The following ZNF804B variants were observed in gnomAD, a reference collection of about 807,000 sequenced individuals.
ZNF804B encodes zinc finger protein 804B, also known as zinc finger 804B.
Under a neutral mutation model 101.4 loss-of-function variants are expected in ZNF804B, and 80 were observed. The observed-to-expected ratio is 0.79, with a 90% confidence interval of 0.66 to 0.95. ZNF804B has a LOEUF of 0.95. ZNF804B is among the 40% of genes least tolerant of loss of function. ZNF804B has a pLI of 0.00. For synonymous variants in ZNF804B, 622 were observed against 558.8 expected, an observed-to-expected ratio of 1.11 and a Z score of -1.59; for missense variants, 1,673 against 1,561.9, an observed-to-expected ratio of 1.07 and a Z score of -1.20.
intron 1 of ZNF804B, among the ~76,000 whole-genome samples, chr7:89,175,367 C>T (rs1184652676): frequency 1.3e-5 from 2 of 152,010 alleles, no homozygotes; most frequent in Admixed American, 6.5e-5. Context: ...GCACCTTTGT[C>T]GAAAATGAGT....
intron 1 of ZNF804B, among the ~76,000 whole-genome samples, chr7:89,204,604 A>T (rs36113749): frequency 0.12 from 18,563 of 152,166 alleles, 1,218 homozygotes; most frequent in Middle Eastern, 0.25. Flanking sequence ...ATGGAGGGGA[A>T]CTGAGAGTCT....
At position 89,196,621 on chromosome 7, in the gene ZNF804B, A is replaced by T. The variant is rs1422631049; in HGVS notation, c.109-21534A>T. Among the ~76,000 whole-genome samples the T allele has an allele frequency of 4.6e-5, 7 of 152,284 alleles. No homozygotes were observed. In the East Asian group the frequency reaches 1.4e-3, roughly 29 times the overall value. On this transcript the variant is annotated intron_variant, in intron 1 of 3. Coordinates refer to ENST00000333190, the MANE Select transcript of ZNF804B (RefSeq NM_181646.5). ...AATTGCAACAAAAGCAAAAATTGAC[A>T]AATGGGATCTAATTAAACTAAAGAG...
chr7:88,851,869 A>T (rs1240559268), intron 1 of ZNF804B, among the ~76,000 whole-genome samples: 1 of 152,138 alleles, frequency 6.6e-6, no homozygotes, highest in Non-Finnish European at 1.5e-5. Context: ...GGAGAAATGG[A>T]TACATACTTG....
chr7:88,968,153 T>TTACA (rs1554350403), intron 1 of ZNF804B, among the ~76,000 whole-genome samples: 3 of 151,108 alleles, frequency 2.0e-5, no homozygotes, highest in Non-Finnish European at 4.4e-5. Flanking sequence ...TTTCAAGAAC[T>TTACA]AAAATGGTGT....
At chr7:88,800,534 C>G (rs1256551728) in intron 1 of ZNF804B, among the ~76,000 whole-genome samples, 1 of 152,008 alleles carries the variant, frequency 6.6e-6, no homozygotes, top group Non-Finnish European at 1.5e-5. Context: ...GTTAGTAGAT[C>G]TTAAGATCCC....
intron 1 of ZNF804B, among the ~76,000 whole-genome samples, chr7:88,783,744 G>A (rs1376143635): frequency 2.0e-5 from 3 of 152,032 alleles, no homozygotes; most frequent in Admixed American, 6.6e-5. Flanking sequence ...AACATGATAC[G>A]TTAGTTTATT....
rs538766480 is a variant in ZNF804B at position 88,761,133 on chromosome 7, G to A, written c.108+1049G>A. 2.5e-3 allele frequency among the ~76,000 whole-genome samples: 387 copies of A among 151,912 alleles called. 2 individuals are homozygous for A. The highest frequency in any genetic ancestry group is 0.01 in the Middle Eastern group (3 of 290). ...TCTTTAGCATGAATTATTCAAAACT[G>A]CAACATATTATAAAAGCCTTTGATT... On this transcript the variant is annotated intron_variant, in intron 1 of 3. Coordinates refer to ENST00000333190, the MANE Select transcript of ZNF804B (RefSeq NM_181646.5).
At chr7:89,016,239 G>T (rs1053226731) in intron 1 of ZNF804B, among the ~76,000 whole-genome samples, 10 of 151,274 alleles carry the variant, frequency 6.6e-5, no homozygotes, top group African/African-American at 2.2e-4. Flanking sequence ...GGATATTAGC[G>T]CTTTGTCAGA....
intron 1 of ZNF804B, among the ~76,000 whole-genome samples, chr7:88,884,633 A>G (rs1006634048): frequency 1.3e-5 from 2 of 151,868 alleles, no homozygotes; most frequent in African/African-American, 4.8e-5. Context: ...TCAAATAGCA[A>G]TTTATATTGC....
chr7:89,103,259 G>GA (rs1790088647), intron 1 of ZNF804B, among the ~76,000 whole-genome samples: 1 of 149,686 alleles, frequency 6.7e-6, no homozygotes, highest in African/African-American at 2.5e-5. Context: ...CAAATTCTGA[G>GA]AAAAATGATG....
chr7:88,976,266 T>G (rs567547310), intron 1 of ZNF804B, among the ~76,000 whole-genome samples: 1 of 151,786 alleles, frequency 6.6e-6, no homozygotes, highest in Non-Finnish European at 1.5e-5. Flanking sequence ...TTTAGGATTA[T>G]TTTTTCTATT....
intron 1 of ZNF804B, among the ~76,000 whole-genome samples, chr7:88,801,736 A>T (rs774633482): frequency 2.3e-4 from 35 of 152,116 alleles, no homozygotes; most frequent in Non-Finnish European, 2.9e-5. Flanking sequence ...AAACATTTGA[A>T]ATATAAAGAC....
intron 1 of ZNF804B, among the ~76,000 whole-genome samples, chr7:89,085,587 A>G (rs1264713378): frequency 1.3e-5 from 2 of 151,916 alleles, no homozygotes; most frequent in Non-Finnish European, 2.9e-5. Flanking sequence ...ACTTGGATGC[A>G]TGAACACTCT....
rs541125370 is a variant in ZNF804B, at chr7:89,248,855, A to G, written c.249+30560A>G. ...AGAGTGGTAAGCTGAATTTAAAAAA[A>G]GCACACAGAAGATCCATGTATCTGC... On this transcript the variant is annotated intron_variant, in intron 2 of 3. Transcript: ENST00000333190. 1.4e-4 allele frequency among the ~76,000 whole-genome samples: 22 copies of G among 152,300 alleles called. No homozygotes were observed. The South Asian group carries it at 2.3e-3, about 16-fold the overall frequency.
intron 1 of ZNF804B, among the ~76,000 whole-genome samples, chr7:88,798,767 T>C (rs954301868): frequency 6.6e-6 from 1 of 152,132 alleles, no homozygotes; most frequent in African/African-American, 2.4e-5. Flanking sequence ...GTAATTAGAA[T>C]TGTACACTCT....
intron 1 of ZNF804B, among the ~76,000 whole-genome samples, chr7:89,174,810 CATTTT>C (rs1791295047): frequency 6.6e-6 from 1 of 151,902 alleles, no homozygotes; most frequent in Non-Finnish European, 1.5e-5. Flanking sequence ...CATTATAACT[CATTTT>C]AGTTTTGATT....
In ZNF804B at chr7:88,894,097, A is replaced by G. The variant is rs143718860; in HGVS notation, c.108+134013A>G. On this transcript the variant is annotated intron_variant, in intron 1 of 3. Coordinates refer to ENST00000333190, the MANE Select transcript of ZNF804B (RefSeq NM_181646.5). Reference sequence around the variant, plus strand: ...AATACTGTATATAAACTATAGCATTATCAAAGTATGGATAAAACACTCTTT... The same window carrying G: ...AATACTGTATATAAACTATAGCATTGTCAAAGTATGGATAAAACACTCTTT... Among the ~76,000 whole-genome samples the G allele has an allele frequency of 6.5e-3, 989 of 152,312 alleles. 15 individuals are homozygous for G. Among genetic ancestry groups the G allele is most frequent in the African/African-American group, 0.02 (844 of 41,572 alleles).
chr7:89,174,021 A>G (rs1443138028), intron 1 of ZNF804B, among the ~76,000 whole-genome samples: 2 of 152,068 alleles, frequency 1.3e-5, no homozygotes, highest in Non-Finnish European at 2.9e-5. Flanking sequence ...TTCAATGTGT[A>G]GTAATTACAT....
intron 1 of ZNF804B, among the ~76,000 whole-genome samples, chr7:88,962,708 C>CATATATATATATATATAT (rs71120046): frequency 2.4e-5 from 2 of 84,188 alleles, no homozygotes; most frequent in Non-Finnish European, 5.1e-5. Context: ...GTTAAACTCA[C>CATATATATATATATATAT]ATATATATAT....
Sources: allele counts gnomAD v4.1 joint callset (sites outside exome capture counted in the v4.1 genomes callset), GRCh38; gene constraint gnomAD v4.1.1; transcripts MANE v1.5; gene names NCBI Gene and HGNC (gene_info 2026-07-23, HGNC 2026-07-21).